Variants in ABCA13 observed in about 807,000 individuals in gnomAD.
ABCA13 encodes the protein ATP binding cassette subfamily A member 13, also known as ATP-binding cassette sub-family A member 13.
Under a neutral mutation model 478.7 loss-of-function variants are expected in ABCA13, and 476 were observed. The observed-to-expected ratio is 0.99, with a 90% CI of 0.92 to 1.07. The LOEUF is 1.07. Ranked by LOEUF, ABCA13 falls within the 50% of genes least tolerant of loss-of-function variation. ABCA13 has a pLI of 0.00. For synonymous variants in ABCA13, 2,252 were observed against 2,158.9 expected, an observed-to-expected ratio of 1.04 and a Z score of -1.20; for missense variants, 6,060 against 5,910.6, an observed-to-expected ratio of 1.03 and a Z score of -0.83.
chr7:48,388,215 G>A (rs1344574057), intron 36 of ABCA13, among the ~76,000 whole-genome samples: 1 of 152,104 alleles, frequency 6.6e-6, no homozygotes, highest in African/African-American at 2.4e-5. Context: ...TCCCCTCTGT[G>A]CATTATGTGC....
intron 59 of ABCA13, among the ~76,000 whole-genome samples, chr7:48,638,987 T>A (rs1794903062): frequency 6.6e-6 from 1 of 152,194 alleles, no homozygotes; most frequent in African/African-American, 2.4e-5. Context: ...AAACAAGTTA[T>A]GTAGCTTCTC....
intron 59 of ABCA13, among the ~76,000 whole-genome samples, chr7:48,629,686 G>A (rs1004898349): frequency 6.6e-6 from 1 of 151,922 alleles, no homozygotes; most frequent in African/African-American, 2.4e-5. Context: ...GGCCTGGGCT[G>A]GATTTGTGCA....
chr7:48,400,769 A>G lies in ABCA13; in HGVS notation c.11874-2914A>G, dbSNP rs527521404. ...GACATTGTTTTGCTGACCCTGGCCA[A>G]TGCCTCAGTGGCTTAGAGTCCTAGG... On this transcript the variant is annotated intron_variant, in intron 38 of 61. Transcript: ENST00000435803. Among the ~76,000 whole-genome samples the G allele has an allele frequency of 5.9e-5, 9 of 152,364 alleles. 1 individual carries two copies. In the South Asian group the frequency reaches 1.4e-3, roughly 25 times the overall value.
intron 31 of ABCA13, among the ~76,000 whole-genome samples, chr7:48,354,949 A>C (rs1039573791): frequency 6.6e-5 from 10 of 152,068 alleles, no homozygotes; most frequent in African/African-American, 2.2e-4. Flanking sequence ...CATATTCATT[A>C]ATTTATGAAT....
At chr7:48,281,746 C>T (rs766638842) in intron 19 of ABCA13, among the ~76,000 whole-genome samples, 38 of 152,194 alleles carry the variant, frequency 2.5e-4, no homozygotes, top group Non-Finnish European at 5.0e-4. Context: ...TACAGCCGTA[C>T]TCTGTGGCCT....
At chr7:48,357,080 A>AG (rs1266851788) in intron 31 of ABCA13, among the ~76,000 whole-genome samples, 1 of 151,864 alleles carries the variant, frequency 6.6e-6, no homozygotes, top group African/African-American at 2.4e-5. Context: ...GGCTCCCGTG[A>AG]GGCGTTGCAT....
chr7:48,596,776 C>A (rs1406075544), intron 58 of ABCA13, among the ~76,000 whole-genome samples: 2 of 150,992 alleles, frequency 1.3e-5, no homozygotes, highest in Non-Finnish European at 1.5e-5. Context: ...CCAGCCTGGG[C>A]GTCAGAGCAA....
chr7:48,402,375 G>A (rs541202929), intron 38 of ABCA13, among the ~76,000 whole-genome samples: 27 of 152,192 alleles, frequency 1.8e-4, no homozygotes, highest in Admixed American at 5.2e-4. Flanking sequence ...TTGGAATCTC[G>A]CAGCTGGGAA....
At chr7:48,511,046 A>G (rs1157811937) in intron 50 of ABCA13, 38 bp from the exon 51 acceptor site, 10 of 1,481,132 alleles carry the variant, frequency 6.8e-6, no homozygotes, top group Non-Finnish European at 9.4e-6. Flanking sequence ...TGACCATCTG[A>G]TGTAACAGCT....
intron 42 of ABCA13, among the ~76,000 whole-genome samples, chr7:48,429,229 G>A (rs1821819010): frequency 6.6e-6 from 1 of 152,074 alleles, no homozygotes; most frequent in Non-Finnish European, 1.5e-5. Flanking sequence ...TTTTACTATT[G>A]CAAATATACT....
At chr7:48,185,703 A>T (rs1796263748) in intron 1 of ABCA13, among the ~76,000 whole-genome samples, 2 of 152,150 alleles carry the variant, frequency 1.3e-5, no homozygotes, top group Non-Finnish European at 1.5e-5. Flanking sequence ...TGATAATACA[A>T]ATCATATGTT....
intron 45 of ABCA13, among the ~76,000 whole-genome samples, chr7:48,477,760 G>C (rs71547890): frequency 8.3e-6 from 1 of 120,760 alleles, no homozygotes; most frequent in Non-Finnish European, 1.7e-5. Flanking sequence ...GGAGGGGGGA[G>C]GGATAGCATT....
At chr7:48,322,982 C>T (rs930724099) in intron 27 of ABCA13, among the ~76,000 whole-genome samples, 5 of 152,116 alleles carry the variant, frequency 3.3e-5, no homozygotes, top group African/African-American at 7.2e-5. Context: ...TTGCTCAGTA[C>T]GAGGGCTGTG....
intron 42 of ABCA13, among the ~76,000 whole-genome samples, chr7:48,431,481 TG>T (rs1822146206): frequency 6.6e-6 from 1 of 152,204 alleles, no homozygotes; most frequent in Non-Finnish European, 1.5e-5. Flanking sequence ...TTGTGATAGG[TG>T]GTGTGTTCTA....
chr7:48,425,898 C>A (rs1344376030), intron 41 of ABCA13, among the ~76,000 whole-genome samples: 1 of 151,958 alleles, frequency 6.6e-6, no homozygotes, highest in Admixed American at 6.6e-5. Context: ...CCCGCCACCT[C>A]GCCCGGCTAA....
At chr7:48,298,636 A>C in intron 23 of ABCA13, 149 bp downstream of exon 23, 1 of 976,898 alleles carries the variant, frequency 1.0e-6, no homozygotes, top group Non-Finnish European at 1.4e-6. Flanking sequence ...AATTGGAGGC[A>C]GAAAGGAAAC....
At chr7:48,297,512 C>T (rs1000615401) in intron 22 of ABCA13, among the ~76,000 whole-genome samples, 3 of 152,278 alleles carry the variant, frequency 2.0e-5, no homozygotes, top group Non-Finnish European at 4.4e-5. Flanking sequence ...AGCAGAGGAA[C>T]AAAGAGAAGC....
intron 40 of ABCA13, among the ~76,000 whole-genome samples, chr7:48,411,039 CTTTCTTTCTT>C (rs1167588952): frequency 3.1e-4 from 31 of 98,554 alleles, no homozygotes; most frequent in African/African-American, 1.1e-3. Flanking sequence ...TTCTTTCTTT[CTTTCTTTCTT>C]TTTCTTTCTT....
chr7:48,485,656 A>G (rs1280237999), intron 47 of ABCA13, among the ~76,000 whole-genome samples: 1 of 152,220 alleles, frequency 6.6e-6, no homozygotes, highest in Non-Finnish European at 1.5e-5. Context: ...CAAGTCAATC[A>G]TTTATTGCCA....
Sources: allele counts gnomAD v4.1 joint callset (sites outside exome capture counted in the v4.1 genomes callset), GRCh38; gene constraint gnomAD v4.1.1; transcripts MANE v1.5; gene names NCBI Gene and HGNC (gene_info 2026-07-23, HGNC 2026-07-21).